NBEA: variants seen among roughly 807,000 people sequenced by gnomAD.
The protein encoded by NBEA is neurobeachin, also known as lysosomal-trafficking regulator 2.
Under a neutral mutation model 343.4 loss-of-function variants are expected in NBEA, and 44 were observed. That is an observed-to-expected ratio of 0.13 (90% CI 0.10 to 0.16). The LOEUF is 0.16. Among genes scored for constraint, NBEA ranks in the 10% least tolerant of loss-of-function variants. The probability of loss-of-function intolerance (pLI) is 1.00; values close to 1 mark genes in which losing one functional copy is unlikely to be tolerated. For missense variants in NBEA, 2,555 were observed against 3,631.3 expected, an observed-to-expected ratio of 0.70 and a Z score of 7.62; for synonymous variants, 1,175 against 1,238.7, an observed-to-expected ratio of 0.95 and a Z score of 1.08.
chr13:35,078,961 G>A (rs1463473546), intron 10 of NBEA, among the ~76,000 whole-genome samples: 1 of 152,274 alleles, frequency 6.6e-6, no homozygotes, highest in Admixed American at 6.5e-5. Context: ...GGCGGAGGTT[G>A]CAGAGGGCCG....
chr13:34,972,480 C>G (rs189196986), intron 1 of NBEA, among the ~76,000 whole-genome samples: 1 of 152,164 alleles, frequency 6.6e-6, no homozygotes, highest in African/African-American at 2.4e-5. Context: ...ATAAATTTCT[C>G]TCTTAACACT....
intron 38 of NBEA, among the ~76,000 whole-genome samples, chr13:35,368,825 G>T (rs2041268543): frequency 6.6e-6 from 1 of 151,550 alleles, no homozygotes; most frequent in Non-Finnish European, 1.5e-5. Context: ...ATTTGTTAAT[G>T]ATATAAAAAT....
intron 43 of NBEA, 75 bp downstream of exon 43, chr13:35,551,107 T>G: frequency 1.2e-6 from 1 of 824,712 alleles, no homozygotes; most frequent in Non-Finnish European, 1.9e-6. Context: ...AATGTAAATG[T>G]GGTTATAACA....
At chr13:35,572,641 T>C (rs1454459141) in intron 45 of NBEA, among the ~76,000 whole-genome samples, 2 of 152,194 alleles carry the variant, frequency 1.3e-5, no homozygotes, top group Non-Finnish European at 2.9e-5. Context: ...CAAATGTCTA[T>C]CTACCACACA....
Position 35,655,750 on chromosome 13 carries a change from G to A in NBEA, c.8362+1G>A. ...ATCATAGGAGACAACCCTAACAGCA[G>A]TGAGTGTTTGTATCAAATTTGTCCT... On this transcript the variant is annotated splice_donor_variant, in intron 55 of 58. Transcript: ENST00000379939. LOFTEE classifies it high-confidence loss of function. 1 of 1,607,972 alleles carries A rather than the reference G, an allele frequency of 6.2e-7. No homozygotes were observed. Among genetic ancestry groups the A allele is most frequent in the African/African-American group, 1.3e-5 (1 of 74,800 alleles).
chr13:35,548,167 TA>T (rs758938433), intron 41 of NBEA, among the ~76,000 whole-genome samples: 31 of 152,062 alleles, frequency 2.0e-4, no homozygotes, highest in Non-Finnish European at 3.8e-4. Context: ...AAAGGAAAAA[TA>T]TTTTAAGGAC....
At chr13:35,311,973 T>C (rs570974121) in intron 36 of NBEA, among the ~76,000 whole-genome samples, 12 of 152,360 alleles carry the variant, frequency 7.9e-5, no homozygotes, top group Admixed American at 2.0e-4. Flanking sequence ...CAAATAAATA[T>C]GATTTTGGAA....
At chr13:35,070,382 T>TA (rs2063819366) in intron 9 of NBEA, among the ~76,000 whole-genome samples, 1 of 152,110 alleles carries the variant, frequency 6.6e-6, no homozygotes, top group African/African-American at 2.4e-5. Context: ...TTGTTAGATA[T>TA]AAAAACATAC....
intron 41 of NBEA, chr13:35,476,333 CTG>C: frequency 2.4e-6 from 3 of 1,229,392 alleles, no homozygotes; most frequent in South Asian, 1.3e-5. Context: ...GCTGCTGCTG[CTG>C]CTGCTGCTGC....
intron 1 of NBEA, among the ~76,000 whole-genome samples, chr13:35,005,197 T>C (rs1420667739): frequency 6.6e-6 from 1 of 150,836 alleles, no homozygotes; most frequent in Middle Eastern, 3.4e-3. Context: ...GAAACAGACA[T>C]ACGTTTGGCA....
At chr13:35,064,311 A>G (rs2063569763) in intron 8 of NBEA, among the ~76,000 whole-genome samples, 1 of 151,992 alleles carries the variant, frequency 6.6e-6, no homozygotes, top group Admixed American at 6.6e-5. Flanking sequence ...GAGGAGAACA[A>G]GGGAATAAGG....
chr13:35,305,053 A>G (rs1181760121), intron 35 of NBEA, among the ~76,000 whole-genome samples: 3 of 152,200 alleles, frequency 2.0e-5, no homozygotes, highest in South Asian at 2.1e-4. Context: ...TTTCCCCACT[A>G]TAGCCATATC....
At chr13:35,174,862 G>A (rs957325876) in intron 27 of NBEA, among the ~76,000 whole-genome samples, 14 of 150,892 alleles carry the variant, frequency 9.3e-5, no homozygotes, top group Admixed American at 4.6e-4. Flanking sequence ...GCATGATCTC[G>A]GCTCACTGCA....
rs117749985 is a variant in NBEA at position 35,088,548 on chromosome 13, C to A, written c.1572-9749C>A. On this transcript the variant is annotated intron_variant, in intron 10 of 58. Transcript: ENST00000379939. ...TTAGTAGAACTTAGTAAAAATTTGG[C>A]TTTTCCAGTGTATTCTGGGTCAAGT... is the stretch of plus-strand genomic sequence containing the variant. Among the ~76,000 whole-genome samples the A allele has an allele frequency of 8.8e-3, 1,343 of 151,956 alleles. 10 individuals are homozygous for A. The highest frequency in any genetic ancestry group is 0.02 in the Middle Eastern group (6 of 294).
intron 17 of NBEA, among the ~76,000 whole-genome samples, chr13:35,123,903 A>G (rs771995958): frequency 6.6e-6 from 1 of 152,122 alleles, no homozygotes; most frequent in Non-Finnish European, 1.5e-5. Context: ...TTTCTTGACA[A>G]GGAAATACTG....
intron 41 of NBEA, among the ~76,000 whole-genome samples, chr13:35,494,155 C>G (rs2076594117): frequency 6.6e-6 from 1 of 151,774 alleles, no homozygotes; most frequent in Non-Finnish European, 1.5e-5. Flanking sequence ...TAATTAATCA[C>G]TTTAAATGAA....
intron 34 of NBEA, among the ~76,000 whole-genome samples, chr13:35,284,688 G>C (rs555350017): frequency 1.4e-4 from 22 of 152,054 alleles, no homozygotes; most frequent in Admixed American, 3.3e-4. Context: ...TTTTGAATTA[G>C]AAAGCCACAT....
At chr13:35,058,949 A>G (rs955592545) in intron 8 of NBEA, 86 bp downstream of exon 8, 14 of 1,183,228 alleles carry the variant, frequency 1.2e-5, no homozygotes. Flanking sequence ...AAAATCTTTA[A>G]TACGGTTTAA....
intron 1 of NBEA, among the ~76,000 whole-genome samples, chr13:35,002,694 T>C (rs923071485): frequency 9.2e-5 from 14 of 152,146 alleles, no homozygotes; most frequent in Non-Finnish European, 1.8e-4. Flanking sequence ...TTAATCAAAA[T>C]AGGAACCATT....
Sources: gnomAD v4.1 joint callset for allele counts (sites outside exome capture counted in the v4.1 genomes callset) on GRCh38, gnomAD v4.1.1 for gene constraint, MANE v1.5 for transcripts, NCBI Gene and HGNC (gene_info 2026-07-23, HGNC 2026-07-21) for gene names.